The following ZNF578 variants were observed in gnomAD, a reference collection of about 807,000 sequenced individuals.
ZNF578 encodes the protein Putative chemokine-related protein B42.
Under a neutral mutation model 8.3 loss-of-function variants are expected in ZNF578, and 8 were observed. The observed-to-expected ratio is 0.96, with a 90% CI of 0.56 to 1.74. ZNF578 has a LOEUF of 1.74. Among genes scored for constraint, ZNF578 ranks in the 40% most tolerant of loss-of-function variants. The probability of loss-of-function intolerance (pLI) is 0.00; values close to 1 mark genes in which losing one functional copy is unlikely to be tolerated. For synonymous variants in ZNF578, 206 were observed against 232.2 expected, an observed-to-expected ratio of 0.89 and a Z score of 1.03; for missense variants, 726 against 707.5, an observed-to-expected ratio of 1.03 and a Z score of -0.30.
chr19:52,511,454 T>C lies in ZNF578; in HGVS notation c.1073T>C (p.Leu358Pro), dbSNP rs1318854158. ...CGKSFSYKSS[L>P]RCHRRLHTGI... Reference sequence around the variant, plus strand: ...AAGTCCTTCAGTTACAAGTCATCCCTTAGATGCCATCGTAGACTTCATACT... The same window carrying C: ...AAGTCCTTCAGTTACAAGTCATCCCCTAGATGCCATCGTAGACTTCATACT... Residue 358 changes from leucine (L) to proline (P), a missense_variant, in exon 6 of 6, where the codon CTT (leucine) becomes CCT (proline). Coordinates refer to ENST00000421239, the MANE Select transcript of ZNF578 (RefSeq NM_001099694.2). The C allele has an allele frequency of 1.2e-6, 2 of 1,614,222 alleles. No individual in the cohort carries two copies. Among genetic ancestry groups the C allele is most frequent in the East Asian group, 2.2e-5 (1 of 44,870 alleles).
intron 3 of ZNF578, among the ~76,000 whole-genome samples, chr19:52,499,206 A>G (rs2059397908): frequency 6.6e-6 from 1 of 152,234 alleles, no homozygotes; most frequent in Non-Finnish European, 1.5e-5. Context: ...GAAACGACTG[A>G]CAAAATACAG....
At position 52,510,949 on chromosome 19, in the gene ZNF578, A is replaced by G. The variant is rs933520449; in HGVS notation, c.568A>G (p.Ile190Val). Residue 190 changes from isoleucine (I) to valine (V), a missense_variant, in exon 6 of 6, where the codon ATT becomes GTT. Ile to Val is a conservative substitution (Grantham distance 29). Coordinates refer to ENST00000421239, the MANE Select transcript of ZNF578 (RefSeq NM_001099694.2). ...VEKSVNDASS[I>V]STSQRISCRP... is the part of the protein sequence containing the mutation. The stretch of plus-strand genomic sequence containing the variant: ...GAAGTCTGTCAACGATGCTTCCTCA[A>G]TTTCAACATCCCAAAGAATTTCTTG... The G allele has an allele frequency of 1.2e-6, 2 of 1,614,200 alleles. No homozygotes were observed. The highest frequency in any genetic ancestry group is 8.5e-7 in the Non-Finnish European group (1 of 1,180,040).
chr19:52,486,023 C>T (rs961313505), intron 2 of ZNF578, among the ~76,000 whole-genome samples: 2 of 152,208 alleles, frequency 1.3e-5, no homozygotes, highest in Admixed American at 6.5e-5. Flanking sequence ...AAGAGGAAGG[C>T]ATCTGTCTCC....
chr19:52,454,090 A>G (rs544372015), intron 1 of ZNF578: 1 of 151,998 alleles, frequency 6.6e-6, no homozygotes, highest in South Asian at 2.1e-4. Context: ...CCCCTTCACA[A>G]CCCACATTCC....
chr19:52,465,710 A>G lies in ZNF578; in HGVS notation c.-122+8752A>G, dbSNP rs141321186. 3.6e-3 allele frequency among the ~76,000 whole-genome samples: 541 copies of G among 152,288 alleles called. 3 individuals carry two copies. Among genetic ancestry groups the G allele is most frequent in the African/African-American group, 0.012 (509 of 41,560 alleles). ...TTTCCTTATCAACTTTTACCCCACT[A>G]TGCTTCAAGCGTTGCTGTAGCAAGC... On this transcript the variant is annotated intron_variant, in intron 2 of 5. Coordinates refer to ENST00000421239, the MANE Select transcript of ZNF578 (RefSeq NM_001099694.2).
Position 52,466,131 on chromosome 19 carries a change from C to T in ZNF578, c.-122+9173C>T, listed in dbSNP as rs145020281. 5.4e-3 allele frequency among the ~76,000 whole-genome samples: 816 copies of T among 152,302 alleles called. 1 individual carries two copies. Among genetic ancestry groups the T allele is most frequent in the African/African-American group, 0.018 (751 of 41,556 alleles). ...GAGAAGCAGATGTTGAGGGGTGAAA[C>T]GATGAAAGGGAGGTGATGTGTCATA... On this transcript the variant is annotated intron_variant, in intron 2 of 5. Coordinates refer to ENST00000421239, the MANE Select transcript of ZNF578 (RefSeq NM_001099694.2).
chr19:52,511,839 T>A lies in ZNF578; in HGVS notation c.1458T>A (p.Asn486Lys). Reference protein sequence around the residue: ...IHTGEKPYKCNECHKTFSHRS... With the variant: ...IHTGEKPYKCKECHKTFSHRS... The stretch of plus-strand genomic sequence containing the variant: ...CTGGAGAGAAACCTTACAAGTGTAA[T>A]GAGTGTCACAAGACCTTCAGTCACA... The change falls in exon 6 of 6, where the codon AAT (asparagine) becomes AAA (lysine). Residue 486 changes from asparagine to lysine, a missense_variant. Coordinates refer to ENST00000421239, the MANE Select transcript of ZNF578 (RefSeq NM_001099694.2). 6.2e-7 allele frequency: 1 copy of A among 1,613,474 alleles called. No homozygotes were observed. The highest frequency in any genetic ancestry group is 8.5e-7 in the Non-Finnish European group (1 of 1,179,820).
intron 3 of ZNF578, among the ~76,000 whole-genome samples, chr19:52,500,456 G>A (rs570367952): frequency 6.6e-6 from 1 of 151,088 alleles, no homozygotes; most frequent in Non-Finnish European, 1.5e-5. Flanking sequence ...ACCCAGGCTG[G>A]AGTGCAGTGG....
chr19:52,475,649 G>C (rs1048644041), intron 2 of ZNF578, among the ~76,000 whole-genome samples: 5 of 152,130 alleles, frequency 3.3e-5, no homozygotes, highest in African/African-American at 1.2e-4. Context: ...GAGCCACCGC[G>C]CCTGGCTGAG....
rs1443323151 is a variant in ZNF578 at position 52,511,087 on chromosome 19, A to G, written c.706A>G (p.Thr236Ala). ...MREKSFQCNE[T>A]GEAFNCSSFV... ...AGAAAAATCTTTCCAATGTAATGAG[A>G]CTGGCGAAGCCTTTAATTGTAGCTC... Residue 236 changes from threonine (T) to alanine (A), a missense_variant, in exon 6 of 6, where the codon ACT (threonine) becomes GCT (alanine). Physicochemically the swap from Thr to Ala is moderately conservative, Grantham distance 58. Transcript: ENST00000421239. The G allele has an allele frequency of 4.3e-6, 7 of 1,614,212 alleles. No individual in the cohort carries two copies. The highest frequency in any genetic ancestry group is 5.1e-6 in the Non-Finnish European group (6 of 1,180,022).
Position 52,511,201 on chromosome 19 carries a change from C to A in ZNF578, c.820C>A (p.Leu274Ile). Residue 274 changes from leucine to isoleucine, a missense_variant, in exon 6 of 6, where the codon CTT (leucine) becomes ATT (isoleucine). Physicochemically the swap from Leu to Ile is conservative, Grantham distance 5. Coordinates refer to ENST00000421239, the MANE Select transcript of ZNF578 (RefSeq NM_001099694.2). ...CAAAGTCTTTAATGAGAAGCGATAC[C>A]TTGCACGCCATCGTAGATGTCACAC... ...CGKVFNEKRY[L>I]ARHRRCHTSE... is the part of the protein sequence containing the mutation. The A allele has an allele frequency of 6.2e-7, 1 of 1,614,194 alleles. No homozygotes were observed. Among genetic ancestry groups the A allele is most frequent in the African/African-American group, 1.3e-5 (1 of 75,050 alleles).
chr19:52,471,541 TG>T (rs1278494272), intron 2 of ZNF578, among the ~76,000 whole-genome samples: 1 of 152,134 alleles, frequency 6.6e-6, no homozygotes, highest in East Asian at 1.9e-4. Context: ...CCCCTCCTTT[TG>T]CACCAGCTGG....
At chr19:52,478,420 C>A (rs897629618) in intron 2 of ZNF578, among the ~76,000 whole-genome samples, 3 of 152,260 alleles carry the variant, frequency 2.0e-5, no homozygotes, top group African/African-American at 7.2e-5. Flanking sequence ...GCATAAAATT[C>A]TCTCTATTGG....
chr19:52,489,877 C>CT (rs1287253106), intron 2 of ZNF578, among the ~76,000 whole-genome samples: 1 of 152,040 alleles, frequency 6.6e-6, no homozygotes, highest in Non-Finnish European at 1.5e-5. Flanking sequence ...AGGATGATCT[C>CT]TATCTCCTGA....
At chr19:52,467,225 G>A (rs2059278062) in intron 2 of ZNF578, among the ~76,000 whole-genome samples, 1 of 152,000 alleles carries the variant, frequency 6.6e-6, no homozygotes, top group African/African-American at 2.4e-5. Flanking sequence ...TGGCCAGGTT[G>A]GTCTCGAACT....
chr19:52,479,416 T>A (rs1018586497), intron 2 of ZNF578, among the ~76,000 whole-genome samples: 7 of 151,548 alleles, frequency 4.6e-5, no homozygotes, highest in African/African-American at 1.7e-4. Context: ...GCGCCCGAAG[T>A]CCCACCTACT....
chr19:52,498,963 G>T (rs1034237326), intron 3 of ZNF578, among the ~76,000 whole-genome samples: 4 of 152,282 alleles, frequency 2.6e-5, no homozygotes, highest in African/African-American at 9.6e-5. Context: ...GATTTCAAGG[G>T]TGGGTCACCA....
chr19:52,470,537 T>C (rs1318335467), intron 2 of ZNF578, among the ~76,000 whole-genome samples: 1 of 151,976 alleles, frequency 6.6e-6, no homozygotes, highest in Non-Finnish European at 1.5e-5. Flanking sequence ...TGTCAGTGAG[T>C]GTATTGCTAA....
intron 5 of ZNF578, among the ~76,000 whole-genome samples, chr19:52,507,308 AACCT>A (rs1177531132): frequency 6.6e-6 from 1 of 152,134 alleles, no homozygotes; most frequent in Non-Finnish European, 1.5e-5. Context: ...GAATCACTTG[AACCT>A]GGGAGGTGGA....
Sources: allele counts gnomAD v4.1 joint callset (sites outside exome capture counted in the v4.1 genomes callset), GRCh38; gene constraint gnomAD v4.1.1; transcripts MANE v1.5; gene names NCBI Gene and HGNC (gene_info 2026-07-23, HGNC 2026-07-21).